ARID1B: variants seen among roughly 807,000 people sequenced by gnomAD.
ARID1B encodes the protein AT-rich interactive domain-containing protein 1B.
ARID1B carries 30 observed loss-of-function variants against 212.3 expected under a neutral mutation model. The observed-to-expected ratio is 0.14, with a 90% CI of 0.11 to 0.19. The LOEUF (loss-of-function observed/expected upper bound fraction) is 0.19, where lower values mean the gene tolerates loss of function less well. Among genes scored for constraint, ARID1B ranks in the 10% least tolerant of loss-of-function variants. The pLI is 1.00. For missense variants in ARID1B, 2,891 were observed against 3,204.0 expected (o/e 0.90, Z 2.36); for synonymous variants, 1,402 against 1,301.7 (o/e 1.08, Z -1.66).
intron 7 of ARID1B, chr6:157,140,754 C>T (rs907616584): frequency 2.5e-5 from 10 of 397,796 alleles, no homozygotes; most frequent in Admixed American, 8.8e-5. Context: ...AGCATACCCA[C>T]GTGTCCTTGG....
At chr6:157,021,412 G>A (rs1446842485) in intron 4 of ARID1B, among the ~76,000 whole-genome samples, 4 of 152,194 alleles carry the variant, frequency 2.6e-5, no homozygotes, top group African/African-American at 7.2e-5. Context: ...CGAGGATGAG[G>A]GCGGCGAGCG....
chr6:156,954,293 C>T (rs934528107), intron 4 of ARID1B, among the ~76,000 whole-genome samples: 5 of 151,886 alleles, frequency 3.3e-5, no homozygotes, highest in African/African-American at 4.8e-5. Context: ...GAACTATACC[C>T]TCACATGAGA....
intron 2 of ARID1B, among the ~76,000 whole-genome samples, chr6:156,858,935 TC>T (rs1253201186): frequency 6.6e-6 from 1 of 152,050 alleles, no homozygotes; most frequent in East Asian, 1.9e-4. Flanking sequence ...ACTGAGCGAG[TC>T]AGTGAGTGAG....
At chr6:157,013,005 G>A (rs1001583666) in intron 4 of ARID1B, among the ~76,000 whole-genome samples, 1 of 152,112 alleles carries the variant, frequency 6.6e-6, no homozygotes, top group Non-Finnish European at 1.5e-5. Context: ...TCAGCCTCTC[G>A]AGTAGCTGGG....
At chr6:157,114,550 AAG>A (rs1787193337) in intron 6 of ARID1B, among the ~76,000 whole-genome samples, 1 of 149,998 alleles carries the variant, frequency 6.7e-6, no homozygotes, top group Non-Finnish European at 1.5e-5. Flanking sequence ...AAAAAAAAAA[AAG>A]GTATATCATG....
chr6:156,842,409 TTCAAGGTTCA>T (rs1281482874), intron 2 of ARID1B, among the ~76,000 whole-genome samples: 2 of 152,242 alleles, frequency 1.3e-5, no homozygotes, highest in Admixed American at 1.3e-4. Flanking sequence ...GCATACTGTT[TTCAAGGTTCA>T]TCTCTTGTGG....
In ARID1B at chr6:157,175,019, G is replaced by GTTTT; in HGVS notation, c.3504+20_3504+23dup. The GTTTT allele has an allele frequency of 7.4e-7, 1 of 1,343,872 alleles. No individual in the cohort carries two copies. Among genetic ancestry groups the GTTTT allele is most frequent in the Non-Finnish European group, 9.7e-7 (1 of 1,034,992 alleles). The allele number at this position is 1,343,872 out of a possible 1,614,324, so 83.2% of individuals were successfully genotyped here. A position where few individuals can be genotyped will look rare whatever the true frequency, so the allele number is the denominator to read the frequency against. On this transcript the variant is annotated intron_variant, in intron 11 of 19. Coordinates refer to ENST00000636930, the MANE Select transcript of ARID1B (RefSeq NM_001374828.1). ...CCATCAAGCCCTGTAAGTGGCTCTG[G>GTTTT]TTTTTTTTTGTTTTTTTTGTTTTTT...
At chr6:156,833,742 T>C (rs1413548005) in intron 2 of ARID1B, among the ~76,000 whole-genome samples, 13 of 152,244 alleles carry the variant, frequency 8.5e-5, no homozygotes, top group African/African-American at 2.7e-4. Flanking sequence ...TCTGAACTTA[T>C]TACTTCATAT....
At chr6:156,983,159 G>A (rs761619908) in intron 4 of ARID1B, among the ~76,000 whole-genome samples, 15 of 151,660 alleles carry the variant, frequency 9.9e-5, no homozygotes, top group Admixed American at 4.6e-4. Flanking sequence ...TCCCAGCATA[G>A]GCTGAGATGG....
intron 3 of ARID1B, among the ~76,000 whole-genome samples, chr6:156,903,025 T>C (rs570993312): frequency 6.6e-6 from 1 of 152,264 alleles, no homozygotes; most frequent in Non-Finnish European, 1.5e-5. Context: ...ATATTACTCA[T>C]TTGACTGTAG....
At chr6:157,034,432 T>C (rs1156791724) in intron 4 of ARID1B, among the ~76,000 whole-genome samples, 1 of 152,242 alleles carries the variant, frequency 6.6e-6, no homozygotes, top group Non-Finnish European at 1.5e-5. Context: ...TTTTCAGTTG[T>C]ATATTCTTGT....
At chr6:156,875,909 T>C in intron 2 of ARID1B, among the ~76,000 whole-genome samples, 1 of 152,264 alleles carries the variant, frequency 6.6e-6, no homozygotes, top group East Asian at 1.9e-4. Flanking sequence ...CATGTTTATA[T>C]AACGTGCTAA....
intron 1 of ARID1B, among the ~76,000 whole-genome samples, chr6:156,814,734 C>T (rs1781842827): frequency 6.6e-6 from 1 of 152,144 alleles, no homozygotes. Flanking sequence ...AAAGTAGAAT[C>T]TTTGGCTAGT....
In ARID1B at chr6:156,779,144, C is replaced by T. The variant is rs1778976704; in HGVS notation, c.1464C>T (p.Phe488=). 7.8e-7 allele frequency: 1 copy of T among 1,278,578 alleles called. No homozygotes were observed. The highest frequency in any genetic ancestry group is 2.3e-5 in the South Asian group (1 of 44,060). The allele number at this position is 1,278,578 out of a possible 1,614,324, so 79.2% of individuals were successfully genotyped here. A position where few individuals can be genotyped will look rare whatever the true frequency, so the allele number is the denominator to read the frequency against. ...AGSAAGGFQR[F]AGQNQHPSGA... ...CGGCGGCGGGGGGCTTCCAGCGCTT[C>T]GCCGGCCAGAACCAGCACCCGTCGG... The change falls in exon 1 of 20, where the codon TTC becomes TTT. Residue 488 remains phenylalanine, a synonymous_variant. Transcript: ENST00000636930.
At chr6:156,793,142 G>A (rs1025255051) in intron 1 of ARID1B, among the ~76,000 whole-genome samples, 1 of 152,074 alleles carries the variant, frequency 6.6e-6, no homozygotes, top group Admixed American at 6.5e-5. Context: ...CGGGGTGGGG[G>A]CATGAGGCAT....
At chr6:156,794,830 C>CTT (rs898728855) in intron 1 of ARID1B, among the ~76,000 whole-genome samples, 2 of 152,138 alleles carry the variant, frequency 1.3e-5, no homozygotes, top group African/African-American at 4.8e-5. Context: ...ATCCACTCAC[C>CTT]TTGGTCTCCC....
At chr6:157,183,181 CT>C (rs1279601473) in intron 12 of ARID1B, among the ~76,000 whole-genome samples, 2 of 152,168 alleles carry the variant, frequency 1.3e-5, no homozygotes, top group Non-Finnish European at 2.9e-5. Context: ...CCCAGCCTTC[CT>C]TCTTAGGTCA....
chr6:157,113,702 T>G (rs1023226364), intron 6 of ARID1B, among the ~76,000 whole-genome samples: 9 of 152,108 alleles, frequency 5.9e-5, no homozygotes, highest in Admixed American at 1.3e-4. Flanking sequence ...AACATGAGAT[T>G]TGGGTGGGGA....
chr6:156,907,908 A>C (rs76296197), intron 3 of ARID1B, among the ~76,000 whole-genome samples: 174 of 122,876 alleles, frequency 1.4e-3, no homozygotes, highest in African/African-American at 6.0e-3. Flanking sequence ...ACTGTCTCAA[A>C]AAAAAAAAAA....
Sources: gnomAD v4.1 joint callset for allele counts (sites outside exome capture counted in the v4.1 genomes callset) on GRCh38, gnomAD v4.1.1 for gene constraint, MANE v1.5 for transcripts, NCBI Gene and HGNC (gene_info 2026-07-23, HGNC 2026-07-21) for gene names.